The following PTPRD variants were observed in gnomAD, a reference collection of about 807,000 sequenced individuals.
PTPRD encodes the protein protein tyrosine phosphatase receptor type D, also known as receptor-type tyrosine-protein phosphatase delta.
PTPRD carries 34 observed loss-of-function variants against 214.5 expected under a neutral mutation model. The ratio of observed to expected loss-of-function variants is 0.16; its 90% confidence interval spans 0.12 to 0.21. PTPRD has a LOEUF of 0.21. PTPRD is among the 10% of genes least tolerant of loss of function. The pLI is 1.00. For synonymous variants in PTPRD, 1,128 were observed against 845.7 expected, an observed-to-expected ratio of 1.33 and a Z score of -5.79; for missense variants, 2,545 against 2,398.7, an observed-to-expected ratio of 1.06 and a Z score of -1.27.
chr9:8,762,431 AAAT>A (rs1261153873), intron 11 of PTPRD, among the ~76,000 whole-genome samples: 1 of 152,204 alleles, frequency 6.6e-6, no homozygotes, highest in African/African-American at 2.4e-5. Flanking sequence ...TTTACAAATC[AAAT>A]AATAATAAAT....
At chr9:9,009,424 T>A (rs2099498469) in intron 11 of PTPRD, among the ~76,000 whole-genome samples, 1 of 152,096 alleles carries the variant, frequency 6.6e-6, no homozygotes. Flanking sequence ...TATTTTATTT[T>A]ATTTTATTTT....
At chr9:9,632,263 A>G (rs529877008) in intron 7 of PTPRD, among the ~76,000 whole-genome samples, 18 of 152,324 alleles carry the variant, frequency 1.2e-4, no homozygotes, top group Non-Finnish European at 2.1e-4. Context: ...ACATGGATAA[A>G]CCTTGAAAAC....
intron 11 of PTPRD, among the ~76,000 whole-genome samples, chr9:8,794,337 C>G (rs923863813): frequency 3.9e-5 from 6 of 152,088 alleles, no homozygotes; most frequent in African/African-American, 1.4e-4. Context: ...TAAAATAATA[C>G]TTAAGCCCAT....
chr9:8,401,450 G>T (rs529573643), intron 36 of PTPRD, among the ~76,000 whole-genome samples: 19 of 152,184 alleles, frequency 1.2e-4, no homozygotes, highest in African/African-American at 4.6e-4. Flanking sequence ...ATGGTAATTG[G>T]ATTTGTCAAA....
At chr9:8,928,439 A>G (rs199971597) in intron 11 of PTPRD, among the ~76,000 whole-genome samples, 2 of 151,972 alleles carry the variant, frequency 1.3e-5, no homozygotes, top group Non-Finnish European at 2.9e-5. Flanking sequence ...AGTTTTCCCA[A>G]CACCATTTAT....
At chr9:9,252,995 A>T (rs765455543) in intron 9 of PTPRD, among the ~76,000 whole-genome samples, 3 of 152,154 alleles carry the variant, frequency 2.0e-5, no homozygotes, top group Non-Finnish European at 4.4e-5. Context: ...GACTATTGGC[A>T]GAATTTGCTC....
chr9:10,228,171 A>G (rs2099595532), intron 3 of PTPRD, among the ~76,000 whole-genome samples: 1 of 152,032 alleles, frequency 6.6e-6, no homozygotes, highest in African/African-American at 2.4e-5. Flanking sequence ...AAATCTTGGA[A>G]CACAACTCGT....
chr9:10,531,652 T>G (rs1168260480), intron 2 of PTPRD, among the ~76,000 whole-genome samples: 1 of 152,176 alleles, frequency 6.6e-6, no homozygotes, highest in Non-Finnish European at 1.5e-5. Flanking sequence ...TAATATCAAA[T>G]ATGGCTGGCT....
At chr9:10,411,970 A>G (rs1260878025) in intron 2 of PTPRD, among the ~76,000 whole-genome samples, 2 of 151,856 alleles carry the variant, frequency 1.3e-5, no homozygotes, top group African/African-American at 4.8e-5. Context: ...TATAACAAAT[A>G]TACTGTACTT....
At chr9:9,727,402 A>T (rs2098114617) in intron 7 of PTPRD, among the ~76,000 whole-genome samples, 1 of 152,180 alleles carries the variant, frequency 6.6e-6, no homozygotes, top group Non-Finnish European at 1.5e-5. Context: ...ATGAGCCAAG[A>T]TCGCACCACT....
chr9:10,402,922 G>A, intron 2 of PTPRD, among the ~76,000 whole-genome samples: 1 of 151,426 alleles, frequency 6.6e-6, no homozygotes, highest in Admixed American at 6.6e-5. Context: ...CATTAGATCT[G>A]TTTGAATTGG....
At chr9:9,916,317 G>GA (rs2080794234) in intron 5 of PTPRD, among the ~76,000 whole-genome samples, 1 of 151,576 alleles carries the variant, frequency 6.6e-6, no homozygotes, top group African/African-American at 2.4e-5. Context: ...AGGAGAAAGA[G>GA]AAAAGAATAA....
At chr9:8,414,906 A>C in intron 35 of PTPRD, among the ~76,000 whole-genome samples, 1 of 53,122 alleles carries the variant, frequency 1.9e-5, no homozygotes, top group Non-Finnish European at 3.5e-5. Flanking sequence ...AGGGATGGGG[A>C]GGGAGGGGGA....
chr9:8,375,094 T>C (rs972630046), intron 39 of PTPRD, among the ~76,000 whole-genome samples: 2 of 151,958 alleles, frequency 1.3e-5, no homozygotes, highest in African/African-American at 4.8e-5. Context: ...TTCTCATATT[T>C]GAATTTCTCA....
intron 7 of PTPRD, among the ~76,000 whole-genome samples, chr9:9,733,599 C>G (rs529525311): frequency 1.3e-5 from 2 of 152,146 alleles, no homozygotes; most frequent in Non-Finnish European, 2.9e-5. Context: ...TGGACCTTCA[C>G]TGCTCTCCCA....
At chr9:10,271,847 A>G (rs2094441741) in intron 3 of PTPRD, among the ~76,000 whole-genome samples, 1 of 151,630 alleles carries the variant, frequency 6.6e-6, no homozygotes. Flanking sequence ...CTGGCCCTCA[A>G]TTGTTTCTTA....
At chr9:10,571,190 T>A (rs2067319005) in intron 2 of PTPRD, among the ~76,000 whole-genome samples, 1 of 152,180 alleles carries the variant, frequency 6.6e-6, no homozygotes, top group Admixed American at 6.5e-5. Flanking sequence ...AGTTTTTAAA[T>A]CTGATTTTTC....
chr9:9,328,997 AC>A (rs1179372407), intron 9 of PTPRD, among the ~76,000 whole-genome samples: 1 of 151,942 alleles, frequency 6.6e-6, no homozygotes, highest in Non-Finnish European at 1.5e-5. Flanking sequence ...GTAAAAATTG[AC>A]ACTATGAGGA....
chr9:8,735,631 C>A (rs1260941406), intron 11 of PTPRD, among the ~76,000 whole-genome samples: 2 of 152,134 alleles, frequency 1.3e-5, no homozygotes, highest in Admixed American at 6.5e-5. Flanking sequence ...GGTTCAGAGT[C>A]AGGCGCAGTG....
Sources: gnomAD v4.1 joint callset for allele counts (sites outside exome capture counted in the v4.1 genomes callset) on GRCh38, gnomAD v4.1.1 for gene constraint, MANE v1.5 for transcripts, NCBI Gene and HGNC (gene_info 2026-07-23, HGNC 2026-07-21) for gene names.